Variants in CEP89 observed in about 807,000 individuals in gnomAD.
The protein encoded by CEP89 is centrosomal protein 89.
In CEP89, 95 loss-of-function variants were observed where a neutral mutation model predicts 97.6. That is an observed-to-expected ratio of 0.97 (90% CI 0.82 to 1.15). CEP89 has a LOEUF of 1.15. Ranked by LOEUF, CEP89 falls within the 50% of genes most tolerant of loss-of-function variation. The pLI, the probability that CEP89 is intolerant of heterozygous loss-of-function variation, is 0.00. For missense variants in CEP89, 869 were observed against 947.7 expected, an observed-to-expected ratio of 0.92 and a Z score of 1.09; for synonymous variants, 354 against 349.1, an observed-to-expected ratio of 1.01 and a Z score of -0.16.
chr19:32,892,923 A>AGAAG (rs1568546753), intron 16 of CEP89, among the ~76,000 whole-genome samples: 1 of 152,172 alleles, frequency 6.6e-6, no homozygotes, highest in African/African-American at 2.4e-5. Flanking sequence ...AATGAGGAAG[A>AGAAG]GAAGGAACTC....
intron 5 of CEP89, among the ~76,000 whole-genome samples, chr19:32,945,595 G>A (rs1200553205): frequency 2.0e-5 from 3 of 152,214 alleles, no homozygotes; most frequent in East Asian, 1.9e-4. Flanking sequence ...CTGGAGAGAC[G>A]CTGGAGGAGC....
intron 4 of CEP89, among the ~76,000 whole-genome samples, chr19:32,952,527 C>A (rs576709935): frequency 1.7e-4 from 26 of 150,536 alleles, no homozygotes; most frequent in Non-Finnish European, 3.1e-4. Flanking sequence ...AATTAATATA[C>A]ATATAATCAA....
Position 32,923,485 on chromosome 19 carries a change from A to G in CEP89, c.1222T>C (p.Leu408=). Residue 408 remains leucine, a synonymous_variant, in exon 12 of 19, where the codon TTG becomes CTG. Transcript: ENST00000305768. ...VQEVVKENEE[L]HQELNKSSAV... ...CTACTCTTATTTAACTCTTGGTGCAATTCTTCATTTTCTTTCACCACTTCT... is the reference window on the plus strand; with the variant it reads ...CTACTCTTATTTAACTCTTGGTGCAGTTCTTCATTTTCTTTCACCACTTCT... 1 of 1,611,276 alleles carries G rather than the reference A, an allele frequency of 6.2e-7. No individual in the cohort carries two copies. The highest frequency in any genetic ancestry group is 1.7e-5 in the Admixed American group (1 of 59,930).
In CEP89 at chr19:32,971,852, C is replaced by T; in HGVS notation, c.23G>A (p.Gly8Asp). 1 of 1,594,634 alleles carries T rather than the reference C, an allele frequency of 6.3e-7. No homozygotes were observed. The highest frequency in any genetic ancestry group is 1.7e-5 in the Admixed American group (1 of 58,566). Reference sequence around the variant, plus strand: ...TCTACTTACGAAATGACTCCTGCGGCCTCTCCGAAATCCCAGGAGCATCCT... The same window carrying T: ...TCTACTTACGAAATGACTCCTGCGGTCTCTCCGAAATCCCAGGAGCATCCT... MLLGFRRGRRSHFKHIIH... is the reference protein window; with the variant it reads MLLGFRRDRRSHFKHIIH... Residue 8 changes from glycine (G) to aspartate (D), a missense_variant, in exon 1 of 19, where the codon GGC (glycine) becomes GAC (aspartate). By Grantham distance (94) the Gly-to-Asp change is moderately conservative (BLOSUM62 -1). Coordinates refer to ENST00000305768, the MANE Select transcript of CEP89 (RefSeq NM_032816.5).
chr19:32,969,541 G>A (rs1971354909), intron 1 of CEP89: 1 of 152,410 alleles, frequency 6.6e-6, no homozygotes, highest in South Asian at 2.1e-4. Context: ...AGTGGAGAGA[G>A]GCCAGGCAGT....
intron 6 of CEP89, among the ~76,000 whole-genome samples, chr19:32,939,091 T>A (rs1028539627): frequency 1.0e-4 from 15 of 150,430 alleles, no homozygotes; most frequent in South Asian, 4.2e-4. Flanking sequence ...TAAAAAAAAA[T>A]TTTTTTTTAA....
chr19:32,878,352 G>A lies in CEP89; in HGVS notation c.*810C>T, dbSNP rs904817181. 3 of 152,108 alleles carry A rather than the reference G, an allele frequency of 2.0e-5. No individual in the cohort carries two copies. The highest frequency in any genetic ancestry group is 1.5e-5 in the Non-Finnish European group (1 of 68,092). 9.4% of individuals were successfully genotyped at this position (152,108 alleles called of 1,614,324 possible). ...GCAGAAAAGGTTTGTACAACTTAGA[G>A]GGCATGAACAGCAGCAGCACCTTGT... On this transcript the variant is annotated 3_prime_UTR_variant, in exon 19 of 19. Coordinates refer to ENST00000305768, the MANE Select transcript of CEP89 (RefSeq NM_032816.5).
In CEP89 at chr19:32,918,277, A is replaced by G. The variant is rs757060011; in HGVS notation, c.1331T>C (p.Leu444Ser). ...CTTGGCTTTCCTTTGCTGAATCTCC[A>G]ACTGCTCCAGCAACAACTTGTTTTC... ...LEENKLLLEQ[L>S]EIQQRKAKDS... Residue 444 changes from leucine to serine, a missense_variant, in exon 13 of 19, where the codon TTG (leucine) becomes TCG (serine). Transcript: ENST00000305768. 1.2e-6 allele frequency: 2 copies of G among 1,614,190 alleles called. No homozygotes were observed. The highest frequency in any genetic ancestry group is 1.7e-6 in the Non-Finnish European group (2 of 1,180,026).
At chr19:32,962,010 T>C (rs1467407252) in intron 2 of CEP89, among the ~76,000 whole-genome samples, 2 of 150,370 alleles carry the variant, frequency 1.3e-5, no homozygotes, top group African/African-American at 2.5e-5. Context: ...CTAATAGCCT[T>C]ACCATCAAAT....
At chr19:32,929,391 G>A (rs919488409) in intron 9 of CEP89, among the ~76,000 whole-genome samples, 2 of 152,000 alleles carry the variant, frequency 1.3e-5, no homozygotes, top group African/African-American at 2.4e-5. Flanking sequence ...CATTTGAGGT[G>A]AGGAGTTTGA....
At chr19:32,939,660 A>G (rs1970647214) in intron 6 of CEP89, among the ~76,000 whole-genome samples, 197 bp downstream of exon 6, 2 of 148,570 alleles carry the variant, frequency 1.3e-5, no homozygotes, top group South Asian at 2.2e-4. Flanking sequence ...TCTGGGTGAC[A>G]GTGAGACCCC....
At chr19:32,901,044 G>A (rs532918018) in intron 15 of CEP89, among the ~76,000 whole-genome samples, 64 of 151,654 alleles carry the variant, frequency 4.2e-4, no homozygotes, top group African/African-American at 7.3e-5. Flanking sequence ...TGCCACTACC[G>A]CCTGGCTAAT....
Position 32,933,623 on chromosome 19 carries a change from TTC to T in CEP89, c.712_713del (p.Glu238LysfsTer3). 6.2e-7 allele frequency: 1 copy of T among 1,613,534 alleles called. No individual in the cohort carries two copies. Among genetic ancestry groups the T allele is most frequent in the Non-Finnish European group, 8.5e-7 (1 of 1,179,450 alleles). ...ARQRYTEITR[E>X]KFEALKEENM... is the part of the protein sequence containing the mutation. ...TTTCTTCTTTTAATGCCTCAAACTT[TTC>T]TCTGGTTATTTCTGTATATCTTTGA... On this transcript the variant is annotated frameshift_variant, in exon 8 of 19. Transcript: ENST00000305768. LOFTEE classifies it high-confidence loss of function.
At chr19:32,968,742 C>A (rs995196853) in intron 1 of CEP89, among the ~76,000 whole-genome samples, 2 of 152,052 alleles carry the variant, frequency 1.3e-5, no homozygotes, top group African/African-American at 4.8e-5. Flanking sequence ...ACTCTCTCAA[C>A]GGCAGGCAAA....
At chr19:32,952,103 GTC>G (rs1970932194) in intron 4 of CEP89, among the ~76,000 whole-genome samples, 1 of 152,158 alleles carries the variant, frequency 6.6e-6, no homozygotes, top group South Asian at 2.1e-4. Flanking sequence ...ATGTGTGAAA[GTC>G]TGTATATGTG....
intron 14 of CEP89, among the ~76,000 whole-genome samples, chr19:32,906,675 C>T (rs1023914846): frequency 6.6e-6 from 1 of 150,966 alleles, no homozygotes; most frequent in African/African-American, 2.4e-5. Flanking sequence ...AGCAGTCCTC[C>T]TGACTGCAAG....
At chr19:32,961,384 C>A (rs1401706995) in intron 2 of CEP89, among the ~76,000 whole-genome samples, 2 of 147,258 alleles carry the variant, frequency 1.4e-5, no homozygotes, top group Non-Finnish European at 3.0e-5. Flanking sequence ...TCCTGGCCAA[C>A]ATGGTGAAAC....
chr19:32,959,255 TG>T (rs1328083604), intron 3 of CEP89, among the ~76,000 whole-genome samples: 7 of 151,936 alleles, frequency 4.6e-5, no homozygotes, highest in Non-Finnish European at 1.0e-4. Flanking sequence ...CTGCCACCTG[TG>T]TCACACTCCC....
intron 6 of CEP89, among the ~76,000 whole-genome samples, 194 bp from the exon 7 acceptor site, chr19:32,937,867 G>T (rs1231445565): frequency 1.3e-5 from 2 of 151,864 alleles, no homozygotes; most frequent in African/African-American, 4.8e-5. Context: ...TTTAAGACAG[G>T]GTCTTACTCT....
Sources: gnomAD v4.1 joint callset for allele counts (sites outside exome capture counted in the v4.1 genomes callset) on GRCh38, gnomAD v4.1.1 for gene constraint, MANE v1.5 for transcripts, NCBI Gene and HGNC (gene_info 2026-07-23, HGNC 2026-07-21) for gene names.